Variants in RAB25 observed in about 807,000 individuals in gnomAD.
The protein encoded by RAB25 is RAB25, member RAS oncogene family, also known as ras-related protein Rab-25.
In RAB25, 23 loss-of-function variants were observed where a neutral mutation model predicts 25.2. The observed-to-expected ratio is 0.91, with a 90% CI of 0.66 to 1.29. The LOEUF (loss-of-function observed/expected upper bound fraction) is 1.29. Among genes scored for constraint, RAB25 ranks in the 50% most tolerant of loss-of-function variants. RAB25 has a pLI of 0.00. For synonymous variants in RAB25, 102 were observed against 111.5 expected, an observed-to-expected ratio of 0.91 and a Z score of 0.54; for missense variants, 244 against 277.3, an observed-to-expected ratio of 0.88 and a Z score of 0.85.
chr1:156,067,974 A>G (rs1045693141), intron 2 of RAB25, among the ~76,000 whole-genome samples: 1 of 152,148 alleles, frequency 6.6e-6, no homozygotes, highest in African/African-American at 2.4e-5. Flanking sequence ...GCTAGTCTTG[A>G]ACTCCTCACC....
intron 2 of RAB25, 58 bp downstream of exon 2, chr1:156,066,164 A>C (rs2102770400): frequency 7.7e-7 from 1 of 1,302,412 alleles, no homozygotes; most frequent in Non-Finnish European, 1.0e-6. Context: ...GTCGAGGAAC[A>C]CTTCTGGAGG....
chr1:156,063,002 C>T (rs554114397), intron 1 of RAB25, among the ~76,000 whole-genome samples: 4 of 145,330 alleles, frequency 2.8e-5, no homozygotes, highest in African/African-American at 7.7e-5. Context: ...TGCAGTAAGC[C>T]GAGACTGTGC....
At chr1:156,063,198 C>T (rs984947641) in intron 1 of RAB25, among the ~76,000 whole-genome samples, 3 of 151,616 alleles carry the variant, frequency 2.0e-5, no homozygotes, top group East Asian at 3.9e-4. Flanking sequence ...TGCAGTGGAG[C>T]GATCTTGGCT....
chr1:156,070,378 A>G lies in RAB25; in HGVS notation c.*91A>G. 1 of 1,516,498 alleles carries G rather than the reference A, an allele frequency of 6.6e-7. No homozygotes were observed. Among genetic ancestry groups the G allele is most frequent in the Non-Finnish European group, 8.9e-7 (1 of 1,121,940 alleles). The allele number at this position is 1,516,498 out of a possible 1,614,324, so 93.9% of individuals were successfully genotyped here. On this transcript the variant is annotated 3_prime_UTR_variant, in exon 5 of 5. Transcript: ENST00000361084. ...ACCTTTCCTTGCCCTTTGGTTCCAG[A>G]TATCAGACTGTTCCCTGTTCACAGC... is the stretch of plus-strand genomic sequence containing the variant.
chr1:156,063,052 TAA>T (rs1158919173), intron 1 of RAB25, among the ~76,000 whole-genome samples: 19 of 67,916 alleles, frequency 2.8e-4, no homozygotes, highest in African/African-American at 4.0e-4. Flanking sequence ...AGACTCTGTC[TAA>T]AAAAAAAAAA....
At position 156,061,251 on chromosome 1, in the gene RAB25, A is replaced by C; in HGVS notation, c.-150A>C. On this transcript the variant is annotated 5_prime_UTR_variant, in exon 1 of 5. Transcript: ENST00000361084. ...CTGCCTAACCTTGAGTTGGCCCCCA[A>C]TCCCTCTGGCTGCAGAAGTCCCCTT... The C allele has an allele frequency of 1.3e-6, 1 of 775,772 alleles. No homozygotes were observed. The highest frequency in any genetic ancestry group is 1.7e-5 in the South Asian group (1 of 60,468). 48.1% of individuals were successfully genotyped at this position (775,772 alleles called of 1,614,324 possible). A position where few individuals can be genotyped will look rare whatever the true frequency, so the allele number is the denominator to read the frequency against.
chr1:156,069,944 C>A, intron 4 of RAB25, 193 bp downstream of exon 4: 1 of 849,958 alleles, frequency 1.2e-6, no homozygotes, highest in African/African-American at 1.7e-5. Flanking sequence ...AGGGAACAGG[C>A]CACACTCCCC....
rs778900657 is a variant in RAB25 at position 156,066,022 on chromosome 1, G to C, written c.155G>C (p.Arg52Pro). 2 of 1,613,704 alleles carry C rather than the reference G, an allele frequency of 1.2e-6. No homozygotes were observed. Among genetic ancestry groups the C allele is most frequent in the African/African-American group, 1.3e-5 (1 of 74,910 alleles). ...ACCATCGGGGTTGAGTTCTCCACCC[G>C]CACTGTGATGTTGGGCACCGCTGCT... is the stretch of plus-strand genomic sequence containing the variant. ...RTTIGVEFSTRTVMLGTAAVK... is the reference protein window; with the variant it reads ...RTTIGVEFSTPTVMLGTAAVK... Residue 52 changes from arginine to proline, a missense_variant, in exon 2 of 5, where the codon CGC becomes CCC. Arg to Pro is a moderately radical substitution (Grantham distance 103). Coordinates refer to ENST00000361084, the MANE Select transcript of RAB25 (RefSeq NM_020387.4).
chr1:156,068,595 C>T (rs1042043465), intron 3 of RAB25, 132 bp downstream of exon 3: 2 of 756,138 alleles, frequency 2.6e-6, no homozygotes, highest in Middle Eastern at 4.0e-4. Context: ...TACCCCATCC[C>T]CTCTTCCTCA....
chr1:156,063,394 G>T lies in RAB25; in HGVS notation c.43+1951G>T, dbSNP rs536093458. On this transcript the variant is annotated intron_variant, in intron 1 of 4. Coordinates refer to ENST00000361084, the MANE Select transcript of RAB25 (RefSeq NM_020387.4). ...TCTCGATCTCTTGACCTTGTGATCC[G>T]CCCTCCTAGGCCTCCCAAAGTGCTG... is the stretch of plus-strand genomic sequence containing the variant. Among the ~76,000 whole-genome samples the T allele has an allele frequency of 1.8e-4, 27 of 152,188 alleles. 1 individual carries two copies. In the South Asian group the frequency reaches 5.6e-3, roughly 32 times the overall value.
At position 156,065,984 on chromosome 1, in the gene RAB25, C is replaced by T. The variant is rs1173847672; in HGVS notation, c.117C>T (p.His39=). The change falls in exon 2 of 5, where the codon CAC becomes CAT. Residue 39 remains histidine, a synonymous_variant. Coordinates refer to ENST00000361084, the MANE Select transcript of RAB25 (RefSeq NM_020387.4). ...GATTCACGCGCAATGAGTTCAGCCA[C>T]GACAGCCGCACCACCATCGGGGTTG... The part of the protein sequence containing the change: ...LSRFTRNEFS[H]DSRTTIGVEF... The T allele has an allele frequency of 1.2e-5, 20 of 1,614,026 alleles. No individual in the cohort carries two copies. Among genetic ancestry groups the T allele is most frequent in the Middle Eastern group, 3.3e-4 (2 of 6,062 alleles).
intron 1 of RAB25, 139 bp downstream of exon 1, chr1:156,061,582 G>A: frequency 2.2e-6 from 2 of 898,630 alleles, no homozygotes; most frequent in Non-Finnish European, 3.5e-6. Flanking sequence ...AAAGAAAGCT[G>A]CAGGGAGTGG....
At position 156,070,151 on chromosome 1, in the gene RAB25, C is replaced by A. The variant is rs778982244; in HGVS notation, c.515-9C>A. 4 of 1,613,964 alleles carry A rather than the reference C, an allele frequency of 2.5e-6. 1 individual carries two copies. The highest frequency in any genetic ancestry group is 3.4e-6 in the Non-Finnish European group (4 of 1,180,008). ...CTTCTGGCCTGATCACTGCCCTCTG[C>A]CCTCCCAGAAATCTTTGCGAAGGTG... On this transcript the variant is annotated splice_polypyrimidine_tract_variant and intron_variant, in intron 4 of 4. Coordinates refer to ENST00000361084, the MANE Select transcript of RAB25 (RefSeq NM_020387.4).
chr1:156,068,834 G>A (rs1405051233), intron 3 of RAB25, among the ~76,000 whole-genome samples: 1 of 151,666 alleles, frequency 6.6e-6, no homozygotes, highest in African/African-American at 2.4e-5. Context: ...GACTACAGGT[G>A]TGCGCCACCA....
At chr1:156,064,044 G>C (rs1006038963) in intron 1 of RAB25, among the ~76,000 whole-genome samples, 2 of 152,128 alleles carry the variant, frequency 1.3e-5, no homozygotes, top group African/African-American at 4.8e-5. Context: ...AAGCACCTTT[G>C]TGGTATGACG....
At position 156,070,196 on chromosome 1, in the gene RAB25, G is replaced by T. The variant is rs374789930; in HGVS notation, c.551G>T (p.Ser184Ile). 1 of 1,613,988 alleles carries T rather than the reference G, an allele frequency of 6.2e-7. No individual in the cohort carries two copies. Among genetic ancestry groups the T allele is most frequent in the African/African-American group, 1.3e-5 (1 of 74,902 alleles). The change falls in exon 5 of 5, where the codon AGC becomes ATC. Residue 184 changes from serine (S) to isoleucine (I), a missense_variant. By Grantham distance (142) the Ser-to-Ile change is moderately radical (BLOSUM62 -2). Coordinates refer to ENST00000361084, the MANE Select transcript of RAB25 (RefSeq NM_020387.4). ...AAGGTGTCCAAGCAGAGACAGAACA[G>T]CATCCGGACCAATGCCATCACTCTG... ...FAKVSKQRQN[S>I]IRTNAITLGS... is the part of the protein sequence containing the mutation.
chr1:156,068,326 C>T lies in RAB25; in HGVS notation c.296C>T (p.Thr99Ile). The change falls in exon 3 of 5, where the codon ACC becomes ATC. Residue 99 changes from threonine to isoleucine, a missense_variant. Coordinates refer to ENST00000361084, the MANE Select transcript of RAB25 (RefSeq NM_020387.4). ...LLVFDLTKHQTYAVVERWLKE... is the reference protein window; with the variant it reads ...LLVFDLTKHQIYAVVERWLKE... ...GTGTTTGACCTAACCAAGCACCAGA[C>T]CTATGCTGTGGTGGAGCGATGGCTG... 6.2e-7 allele frequency: 1 copy of T among 1,614,084 alleles called. No individual in the cohort carries two copies. The highest frequency in any genetic ancestry group is 8.5e-7 in the Non-Finnish European group (1 of 1,179,988).
Position 156,069,730 on chromosome 1 carries a change from GC to G in RAB25, c.495del (p.Phe166LeufsTer5). The stretch of plus-strand genomic sequence containing the variant: ...CCTGGACTCTACCAATGTTGAGCTA[GC>G]CTTTGAGACTGTCCTGAAAGGTTAG... ...SALDSTNVELAFETVLKEIFA... is the reference protein window; with the variant it reads ...SALDSTNVELXFETVLKEIFA... On this transcript the variant is annotated frameshift_variant, in exon 4 of 5. Transcript: ENST00000361084. LOFTEE classifies it high-confidence loss of function. 1 of 1,612,662 alleles carries G rather than the reference GC, an allele frequency of 6.2e-7. No homozygotes were observed. The highest frequency in any genetic ancestry group is 8.5e-7 in the Non-Finnish European group (1 of 1,178,752).
At chr1:156,069,510 A>C (rs1472062126) in intron 3 of RAB25, among the ~76,000 whole-genome samples, 161 bp from the exon 4 acceptor site, 2 of 152,170 alleles carry the variant, frequency 1.3e-5, no homozygotes, top group Non-Finnish European at 2.9e-5. Flanking sequence ...TTCTGGATTC[A>C]GTTTTCTAAA....
Sources: allele counts gnomAD v4.1 joint callset (sites outside exome capture counted in the v4.1 genomes callset), GRCh38; gene constraint gnomAD v4.1.1; transcripts MANE v1.5; gene names NCBI Gene and HGNC (gene_info 2026-07-23, HGNC 2026-07-21).